Variants in CELF1 observed in about 807,000 individuals in gnomAD.
The protein encoded by CELF1 is 50 kDa nuclear polyadenylated RNA-binding protein.
A neutral mutation model predicts 61.8 loss-of-function variants in CELF1; 10 were observed. The ratio of observed to expected loss-of-function variants is 0.16; its 90% CI spans 0.10 to 0.27. CELF1 has a LOEUF of 0.27. CELF1 is among the 10% of genes least tolerant of loss of function. CELF1 has a pLI of 1.00. For synonymous variants in CELF1, 236 were observed against 225.1 expected (o/e 1.05, Z -0.43); for missense variants, 380 against 639.1 (o/e 0.59, Z 4.37).
intron 1 of CELF1, among the ~76,000 whole-genome samples, chr11:47,551,170 C>T (rs1232829539): frequency 6.6e-6 from 1 of 152,062 alleles, no homozygotes; most frequent in Non-Finnish European, 1.5e-5. Context: ...GCTACCAGAT[C>T]TTAAGTCTAG....
intron 1 of CELF1, among the ~76,000 whole-genome samples, chr11:47,531,387 G>A (rs1451639131): frequency 6.6e-6 from 1 of 152,138 alleles, no homozygotes; most frequent in Non-Finnish European, 1.5e-5. Flanking sequence ...GGCTAACATG[G>A]TGAAACCCCA....
chr11:47,468,852 C>T lies in CELF1; in HGVS notation c.*3378G>A, dbSNP rs917616175. On this transcript the variant is annotated 3_prime_UTR_variant, in exon 15 of 15. Coordinates refer to ENST00000687097, the MANE Select transcript of CELF1 (RefSeq NM_001376376.1). ...TTGGACGATGTACTTGACGCCACAT[C>T]GACATGCTTTAGGCACAACGATGAA... 6 of 152,214 alleles carry T rather than the reference C, an allele frequency of 3.9e-5. No homozygotes were observed. Among genetic ancestry groups the T allele is most frequent in the African/African-American group, 1.5e-4 (6 of 41,278 alleles). 9.4% of individuals were successfully genotyped at this position (152,214 alleles called of 1,614,324 possible).
At chr11:47,479,337 C>T (rs1375628022) in intron 9 of CELF1, among the ~76,000 whole-genome samples, 1 of 152,206 alleles carries the variant, frequency 6.6e-6, no homozygotes, top group Non-Finnish European at 1.5e-5. Context: ...CCCAAGTTCT[C>T]CTTAGTTAGG....
At chr11:47,528,531 G>A (rs1164724387) in intron 1 of CELF1, among the ~76,000 whole-genome samples, 1 of 152,068 alleles carries the variant, frequency 6.6e-6, no homozygotes, top group Non-Finnish European at 1.5e-5. Context: ...TGGGAGGACT[G>A]TTCATTGAGG....
intron 12 of CELF1, 114 bp downstream of exon 12, chr11:47,476,732 A>G (rs1161587641): frequency 2.4e-6 from 2 of 829,426 alleles, no homozygotes; most frequent in African/African-American, 3.3e-5. Flanking sequence ...GGCCCTCATG[A>G]TTATTTTTAA....
intron 12 of CELF1, 54 bp downstream of exon 12, chr11:47,476,792 G>T: frequency 5.1e-6 from 7 of 1,360,392 alleles, no homozygotes; most frequent in Non-Finnish European, 7.4e-6. Flanking sequence ...CCAGGGTTAA[G>T]ATGTGCTACC....
At chr11:47,486,883 A>G (rs2087660104) in intron 5 of CELF1, 85 bp from the exon 6 acceptor site, 1 of 1,032,140 alleles carries the variant, frequency 9.7e-7, no homozygotes, top group Non-Finnish European at 1.5e-6. Context: ...CCAGAACTAG[A>G]GCTTTAAAGA....
chr11:47,550,690 T>G (rs1055129873), intron 1 of CELF1, among the ~76,000 whole-genome samples: 3 of 148,158 alleles, frequency 2.0e-5, no homozygotes, highest in African/African-American at 5.0e-5. Context: ...GACTTACCTG[T>G]TTTTTTTTTA....
intron 12 of CELF1, among the ~76,000 whole-genome samples, chr11:47,475,999 A>ATTT (rs370220622): frequency 7.0e-6 from 1 of 142,686 alleles, no homozygotes. Context: ...CTATGTTCTA[A>ATTT]TTTTTTTTTT....
At chr11:47,546,370 G>A (rs1044657185) in intron 1 of CELF1, among the ~76,000 whole-genome samples, 11 of 150,310 alleles carry the variant, frequency 7.3e-5, no homozygotes, top group African/African-American at 2.5e-4. Context: ...TAGTTCAAGC[G>A]ATTCTCCTGC....
chr11:47,553,789 CT>C (rs2097191826), upstream of CELF1, among the ~76,000 whole-genome samples: 1 of 149,930 alleles, frequency 6.7e-6, no homozygotes, highest in Non-Finnish European at 1.5e-5. Flanking sequence ...CCATAACCTG[CT>C]TTTACCGAAA....
chr11:47,530,240 T>TA (rs1379136601), intron 1 of CELF1, among the ~76,000 whole-genome samples: 4 of 152,078 alleles, frequency 2.6e-5, no homozygotes, highest in African/African-American at 7.2e-5. Context: ...GATGATATAA[T>TA]AGAGTCAACT....
intron 1 of CELF1, among the ~76,000 whole-genome samples, chr11:47,509,021 C>G (rs112808705): frequency 0.016 from 2,411 of 152,228 alleles, 50 homozygotes; most frequent in African/African-American, 0.048. Context: ...CGCCCACCTC[C>G]GCCTCCCAAT....
At chr11:47,493,312 A>G (rs1355511549) in intron 3 of CELF1, among the ~76,000 whole-genome samples, 1 of 148,332 alleles carries the variant, frequency 6.7e-6, no homozygotes, top group Admixed American at 6.9e-5. Context: ...ACCAGCCTGA[A>G]CAACACGGTG....
At chr11:47,476,999 G>T in intron 11 of CELF1, 40 bp from the exon 12 acceptor site, 1 of 1,499,894 alleles carries the variant, frequency 6.7e-7, no homozygotes, top group Non-Finnish European at 9.3e-7. Flanking sequence ...CCCATCACTG[G>T]CATTCTCGCC....
chr11:47,468,414 T>C lies in CELF1; in HGVS notation c.*3816A>G, dbSNP rs1460598466. 6.6e-6 allele frequency: 1 copy of C among 152,598 alleles called. No individual in the cohort carries two copies. The highest frequency in any genetic ancestry group is 2.1e-4 in the South Asian group (1 of 4,832). The allele number at this position is 152,598 out of a possible 1,614,324, so 9.5% of individuals were successfully genotyped here. On this transcript the variant is annotated 3_prime_UTR_variant, in exon 15 of 15. Transcript: ENST00000687097. ...AGCCTCAGAGGTTTTAGTGACATCTTTTATTTCATTGTTTACTTCAAAGTT... is the reference window on the plus strand; with the variant it reads ...AGCCTCAGAGGTTTTAGTGACATCTCTTATTTCATTGTTTACTTCAAAGTT...
intron 1 of CELF1, among the ~76,000 whole-genome samples, chr11:47,546,276 C>T (rs1011712976): frequency 7.2e-5 from 2 of 27,658 alleles, no homozygotes; most frequent in South Asian, 1.1e-3. Context: ...GGGGCGGGGG[C>T]GGGGGAGGGA....
intron 1 of CELF1, among the ~76,000 whole-genome samples, chr11:47,504,720 G>A (rs1255922604): frequency 6.6e-6 from 1 of 151,014 alleles, no homozygotes; most frequent in Non-Finnish European, 1.5e-5. Flanking sequence ...TGATCAACAT[G>A]GTGAAACCCC....
intron 1 of CELF1, among the ~76,000 whole-genome samples, chr11:47,542,345 G>A (rs1313790653): frequency 2.0e-5 from 3 of 152,026 alleles, no homozygotes; most frequent in Non-Finnish European, 4.4e-5. Flanking sequence ...TCCACCCTGG[G>A]CAACAAGAGT....
Sources: gnomAD v4.1 joint callset for allele counts (sites outside exome capture counted in the v4.1 genomes callset) on GRCh38, gnomAD v4.1.1 for gene constraint, MANE v1.5 for transcripts, NCBI Gene and HGNC (gene_info 2026-07-23, HGNC 2026-07-21) for gene names.